Variants in GNAS-AS1 observed in about 807,000 individuals in gnomAD.
The protein encoded by GNAS-AS1 is GNAS antisense RNA 1.
intron 4 of GNAS-AS1, among the ~76,000 whole-genome samples, chr20:58,831,249 C>T (rs902867905): frequency 7.9e-5 from 12 of 152,112 alleles, no homozygotes; most frequent in Admixed American, 2.0e-4. Context: ...TGGCATAAGC[C>T]ACTGTGCCCG....
intron 4 of GNAS-AS1, among the ~76,000 whole-genome samples, chr20:58,827,936 C>G (rs1014128441): frequency 6.6e-6 from 1 of 152,200 alleles, no homozygotes; most frequent in African/African-American, 2.4e-5. Flanking sequence ...TAATTGCATG[C>G]GCAGTTACAC....
At chr20:58,849,554 A>G (rs945001614) in intron 1 of GNAS-AS1, among the ~76,000 whole-genome samples, 1 of 152,194 alleles carries the variant, frequency 6.6e-6, no homozygotes, top group African/African-American at 2.4e-5. Context: ...TCTCCATCCC[A>G]ACTGCCCAAA....
intron 4 of GNAS-AS1, among the ~76,000 whole-genome samples, chr20:58,838,246 C>T (rs1392813308): frequency 6.6e-6 from 1 of 152,184 alleles, no homozygotes; most frequent in Non-Finnish European, 1.5e-5. Flanking sequence ...AAAGCAGCAG[C>T]CAGGTTAGCT....
chr20:58,831,700 T>TATTC (rs1327123910), intron 4 of GNAS-AS1, among the ~76,000 whole-genome samples: 14 of 150,616 alleles, frequency 9.3e-5, no homozygotes, highest in Admixed American at 3.3e-4. Flanking sequence ...CAAGCAGTTT[T>TATTC]ATTCATTCAT....
chr20:58,841,760 G>T lies in GNAS-AS1; in HGVS notation n.819+177C>A. 1 of 1,229,650 alleles carries T rather than the reference G, an allele frequency of 8.1e-7. No homozygotes were observed. Among genetic ancestry groups the T allele is most frequent in the Non-Finnish European group, 1.0e-6 (1 of 987,176 alleles). 76.2% of individuals were successfully genotyped at this position (1,229,650 alleles called of 1,614,324 possible). On this transcript the variant is annotated intron_variant and non_coding_transcript_variant, in intron 4 of 4. Transcript: ENST00000424094. The surrounding 1 kb of genome is among the most constrained non-coding windows in gnomAD (Gnocchi z 5.0). ...ACAGGCATGGTCACGTCGGGGTATT[G>T]CCAAGCTTTTGGCGCAGCTGGTCGG...
At chr20:58,826,247 T>C in intron 4 of GNAS-AS1, 1 of 394,902 alleles carries the variant, frequency 2.5e-6, no homozygotes, top group Non-Finnish European at 4.5e-6. Flanking sequence ...ATATACATTT[T>C]TTTGCAATGT....
At position 58,840,921 on chromosome 20, in the gene GNAS-AS1, G is replaced by A. The variant is rs1415011586; in HGVS notation, n.819+1016C>T. The A allele has an allele frequency of 1.9e-6, 3 of 1,608,488 alleles. No homozygotes were observed. The highest frequency in any genetic ancestry group is 1.7e-5 in the Admixed American group (1 of 59,552). ...CCACCGCTAAACTGGGGAGCCTGAG[G>A]GCGGTGTGGGAGCAGCGCAGGTGGA... On this transcript the variant is annotated intron_variant and non_coding_transcript_variant, in intron 4 of 4. Coordinates refer to ENST00000424094, the Ensembl canonical transcript of GNAS-AS1. The surrounding 1 kb of genome is among the most constrained non-coding windows in gnomAD (Gnocchi z 6.0).
rs1436885661 is a variant in GNAS-AS1 at position 58,839,864 on chromosome 20, T to C, written n.819+2073A>G. 3 of 596,840 alleles carry C rather than the reference T, an allele frequency of 5.0e-6. No individual in the cohort carries two copies. In the African/African-American group the frequency reaches 5.6e-5, roughly 11 times the overall value. 37.0% of individuals were successfully genotyped at this position (596,840 alleles called of 1,614,324 possible). On this transcript the variant is annotated intron_variant and non_coding_transcript_variant, in intron 4 of 4. Coordinates refer to ENST00000424094, the Ensembl canonical transcript of GNAS-AS1. The stretch of plus-strand genomic sequence containing the variant: ...CCGGGAGGAGACAGAACTTTCCCCT[T>C]TTTTCCCATCCCTTCTTCTTGCTCA...
chr20:58,834,454 G>A (rs753804022), intron 4 of GNAS-AS1: 5 of 152,250 alleles, frequency 3.3e-5, no homozygotes, highest in Non-Finnish European at 7.3e-5. Flanking sequence ...AGGTCCGGCT[G>A]GGCAGACAGC....
chr20:58,830,521 A>ACCAC (rs1383748083), intron 4 of GNAS-AS1, among the ~76,000 whole-genome samples: 1 of 452 alleles, frequency 2.2e-3, no homozygotes, highest in African/African-American at 8.6e-3. Context: ...CATCACCACC[A>ACCAC]CACCACCATC....
rs548303494 is a variant in GNAS-AS1 at position 58,843,830 on chromosome 20, C to T, written n.414-1285G>A. 1.1e-4 allele frequency among the ~76,000 whole-genome samples: 17 copies of T among 152,274 alleles called. No homozygotes were observed. The South Asian group carries it at 3.5e-3, about 32-fold the overall frequency. On this transcript the variant is annotated intron_variant and non_coding_transcript_variant, in intron 2 of 4. Transcript: ENST00000424094. Reference sequence around the variant, plus strand: ...TTATCTGAGCTGGGAATTTATGTTGCAATGTTCCAATATTGTGTGGGGTCA... The same window carrying T: ...TTATCTGAGCTGGGAATTTATGTTGTAATGTTCCAATATTGTGTGGGGTCA...
At chr20:58,850,761 C>A (rs1258696422) in exon 1 of GNAS-AS1, 1 of 398,838 alleles carries the variant, frequency 2.5e-6, no homozygotes. Context: ...CGAGGCTCGG[C>A]AACCTGTGGC....
In GNAS-AS1 at chr20:58,830,446, C is replaced by CCAT. The variant is rs1568900312; in HGVS notation, n.820-11192_820-11191insATG. ...CACCGCCACACCACCATCATTACCA[C>CCAT]CACCACCATCACCACCACCACACCA... On this transcript the variant is annotated intron_variant and non_coding_transcript_variant, in intron 4 of 4. Transcript: ENST00000424094. Among the ~76,000 whole-genome samples the CCAT allele has an allele frequency of 4.0e-4, 43 of 107,250 alleles. 1 individual carries two copies. Among genetic ancestry groups the CCAT allele is most frequent in the African/African-American group, 1.2e-3 (33 of 28,558 alleles). The allele number at this position is 107,250 out of a possible 152,430, so 70.4% of individuals were successfully genotyped here.
At chr20:58,830,413 A>T (rs2085552675) in intron 4 of GNAS-AS1, among the ~76,000 whole-genome samples, 1 of 119,514 alleles carries the variant, frequency 8.4e-6, no homozygotes, top group Admixed American at 8.6e-5. Context: ...CCACACCACC[A>T]TCACCACCAC....
At chr20:58,838,916 CAAAAAAA>C (rs766172876) in intron 4 of GNAS-AS1, 129 of 253,118 alleles carry the variant, frequency 5.1e-4, no homozygotes, top group African/African-American at 2.5e-3. Flanking sequence ...GATTCTGTCT[CAAAAAAA>C]AAAAAAAAAA....
rs1251909765 is a variant in GNAS-AS1 at position 58,841,101 on chromosome 20, G to A, written n.819+836C>T. Among the ~76,000 whole-genome samples the A allele has an allele frequency of 6.6e-6, 1 of 152,030 alleles. No individual in the cohort carries two copies. Among genetic ancestry groups the A allele is most frequent in the Non-Finnish European group, 1.5e-5 (1 of 67,990 alleles). ...CCTGGTGGCCAAAGGCTTGTTGGACGGCGGGGCGCACGCCGTGCGTCCCGC... is the reference window on the plus strand; with the variant it reads ...CCTGGTGGCCAAAGGCTTGTTGGACAGCGGGGCGCACGCCGTGCGTCCCGC... On this transcript the variant is annotated intron_variant and non_coding_transcript_variant, in intron 4 of 4. Coordinates refer to ENST00000424094, the Ensembl canonical transcript of GNAS-AS1. This position sits in a 1 kb window ranked among gnomAD's most constrained non-coding sequence, Gnocchi z 5.0.
intron 2 of GNAS-AS1, chr20:58,843,492 C>T (rs112667697): frequency 3.9e-5 from 6 of 152,436 alleles, no homozygotes; most frequent in African/African-American, 1.4e-4. Flanking sequence ...CTTTGCCCCA[C>T]CCTGCTCAAC....
intron 4 of GNAS-AS1, among the ~76,000 whole-genome samples, chr20:58,837,683 C>T (rs192252750): frequency 6.6e-6 from 1 of 152,276 alleles, no homozygotes; most frequent in Admixed American, 6.5e-5. Flanking sequence ...CCTCAAGTGA[C>T]CCACCCGCCT....
At chr20:58,830,881 T>C (rs2085564871) in intron 4 of GNAS-AS1, among the ~76,000 whole-genome samples, 2 of 151,980 alleles carry the variant, frequency 1.3e-5, no homozygotes, top group African/African-American at 4.8e-5. Flanking sequence ...TAAGATACCA[T>C]CTATTTTCCC....
Sources: gnomAD v4.1 joint callset for allele counts (sites outside exome capture counted in the v4.1 genomes callset) on GRCh38, gnomAD v4.1.1 for gene constraint, Gnocchi (gnomAD v3.1) non-coding constraint, MANE v1.5 for transcripts, NCBI Gene and HGNC (gene_info 2026-07-23, HGNC 2026-07-21) for gene names.